The following TMEM221 variants were observed in gnomAD, a reference collection of about 807,000 sequenced individuals.
TMEM221 encodes Putative transmembrane protein ENSP00000342162.
A neutral mutation model predicts 10.2 loss-of-function variants in TMEM221; 11 were observed. The ratio of observed to expected loss-of-function variants is 1.08; its 90% CI spans 0.68 to 1.79. TMEM221 has a LOEUF of 1.79. Among genes scored for constraint, TMEM221 ranks in the 40% most tolerant of loss-of-function variants. The pLI is 0.00. For missense variants in TMEM221, 382 were observed against 417.7 expected (o/e 0.91, Z 0.75); for synonymous variants, 172 against 199.8 (o/e 0.86, Z 1.18).
intron 2 of TMEM221, among the ~76,000 whole-genome samples, chr19:17,438,192 G>A (rs1220308951): frequency 6.6e-6 from 1 of 150,964 alleles, no homozygotes; most frequent in Non-Finnish European, 1.5e-5. Flanking sequence ...GGGTTCAAGC[G>A]ATTCTCATGC....
In TMEM221 at chr19:17,436,114, C is replaced by G; in HGVS notation, c.*344G>C. 4.7e-6 allele frequency: 1 copy of G among 212,422 alleles called. No individual in the cohort carries two copies. The highest frequency in any genetic ancestry group is 1.0e-4 in the East Asian group (1 of 9,560). 13.2% of individuals were successfully genotyped at this position (212,422 alleles called of 1,614,324 possible). ...GCTCCCCTTATGCCTGTAACAGAAT[C>G]TCATCCATCTGGACAGCCACATTTC... On this transcript the variant is annotated 3_prime_UTR_variant, in exon 3 of 3. Transcript: ENST00000341130.
At position 17,436,653 on chromosome 19, in the gene TMEM221, C is replaced by T; in HGVS notation, c.681G>A (p.Gly227=). 2.0e-6 allele frequency: 3 copies of T among 1,536,020 alleles called. No homozygotes were observed. Among genetic ancestry groups the T allele is most frequent in the Non-Finnish European group, 2.6e-6 (3 of 1,146,836 alleles). ...RTPYSTCPEP[G]DPFGSMATAT... The stretch of plus-strand genomic sequence containing the variant: ...CAGTGGCCATGGACCCAAAGGGGTC[C>T]CCAGGCTCTGGACAGGTTGAATAGG... Residue 227 remains glycine, a synonymous_variant, in exon 3 of 3, where the codon GGG becomes GGA. Coordinates refer to ENST00000341130, the MANE Select transcript of TMEM221 (RefSeq NM_001190844.2).
In TMEM221 at chr19:17,448,238, G is replaced by T; in HGVS notation, c.225C>A (p.Ala75=). The T allele has an allele frequency of 7.6e-7, 1 of 1,319,372 alleles. No homozygotes were observed. The highest frequency in any genetic ancestry group is 3.1e-5 in the East Asian group (1 of 32,092). The allele number at this position is 1,319,372 out of a possible 1,614,324, so 81.7% of individuals were successfully genotyped here. A position where few individuals can be genotyped will look rare whatever the true frequency, so the allele number is the denominator to read the frequency against. The change falls in exon 1 of 3, where the codon GCC becomes GCA. Residue 75 remains alanine, a synonymous_variant. Coordinates refer to ENST00000341130, the MANE Select transcript of TMEM221 (RefSeq NM_001190844.2). This position sits in a 1 kb window ranked among gnomAD's most constrained non-coding sequence, Gnocchi z 4.7. ...GTLLPLAAAL[A]ALVLVLGFTC... ...TGAACCCCAGCACGAGCACCAGCGC[G>T]GCCAGCGCGGCGGCCAGCGGCAGCA...
At position 17,448,247 on chromosome 19, in the gene TMEM221, G is replaced by GGCGGCCAGCGGCA. The variant is rs1257045644; in HGVS notation, c.203_215dup (p.Leu74AlafsTer40). The GGCGGCCAGCGGCA allele has an allele frequency of 1.1e-5, 14 of 1,292,712 alleles. No individual in the cohort carries two copies. In the African/African-American group the frequency reaches 1.6e-4, roughly 14 times the overall value. The allele number at this position is 1,292,712 out of a possible 1,614,324, so 80.1% of individuals were successfully genotyped here. ...GCACGAGCACCAGCGCGGCCAGCGC[G>GGCGGCCAGCGGCA]GCGGCCAGCGGCAGCAGCGTCCCGG... On this transcript the variant is annotated frameshift_variant, in exon 1 of 3. Coordinates refer to ENST00000341130, the MANE Select transcript of TMEM221 (RefSeq NM_001190844.2). LOFTEE classifies it high-confidence loss of function. The surrounding 1 kb of genome is among the most constrained non-coding windows in gnomAD (Gnocchi z 4.7).
intron 2 of TMEM221, among the ~76,000 whole-genome samples, chr19:17,444,409 G>A (rs2074944109): frequency 6.6e-6 from 1 of 151,288 alleles, no homozygotes; most frequent in Non-Finnish European, 1.5e-5. Context: ...ACACCACGCA[G>A]GCCATGAAAA....
rs1289866288 is a variant in TMEM221, at chr19:17,445,216, A to T, written c.389T>A (p.Ile130Asn). The change falls in exon 2 of 3, where the codon ATC (isoleucine) becomes AAC (asparagine). Residue 130 changes from isoleucine to asparagine, a missense_variant. Coordinates refer to ENST00000341130, the MANE Select transcript of TMEM221 (RefSeq NM_001190844.2). ...HVALGLFCCG[I>N]SVYLAALSIY... ...GCACACACCTGCTAAATAGACGGAG[A>T]TCCCACAGCAGAAAAGGCCAAGGGC... The T allele has an allele frequency of 1.3e-6, 2 of 1,535,774 alleles. No homozygotes were observed. Among genetic ancestry groups the T allele is most frequent in the Non-Finnish European group, 8.7e-7 (1 of 1,146,738 alleles).
intron 2 of TMEM221, among the ~76,000 whole-genome samples, chr19:17,442,836 TCTC>T (rs900644342): frequency 1.3e-5 from 2 of 151,476 alleles, no homozygotes; most frequent in African/African-American, 2.4e-5. Context: ...ATCCATCCCT[TCTC>T]CTTTTTTTAA....
chr19:17,441,075 G>T (rs1962360747), intron 2 of TMEM221, among the ~76,000 whole-genome samples: 1 of 152,070 alleles, frequency 6.6e-6, no homozygotes, highest in Non-Finnish European at 1.5e-5. Context: ...GGGCGTGCTG[G>T]TGGGCTCCTG....
In TMEM221 at chr19:17,445,276, C is replaced by A. The variant is rs541140024; in HGVS notation, c.329G>T (p.Trp110Leu). The A allele has an allele frequency of 1.8e-4, 269 of 1,535,490 alleles. No individual in the cohort carries two copies. The highest frequency in any genetic ancestry group is 2.3e-4 in the Non-Finnish European group (266 of 1,146,464). Residue 110 changes from tryptophan to leucine, a missense_variant, in exon 2 of 3, where the codon TGG (tryptophan) becomes TTG (leucine). Transcript: ENST00000341130. ...ARGPGPRRSD[W>L]FLYDCRLLRH... Reference sequence around the variant, plus strand: ...GAGGAGGCGGCAGTCGTAGAGAAACCAGTCAGACCTGGAATGAAGGGGAGC... The same window carrying A: ...GAGGAGGCGGCAGTCGTAGAGAAACAAGTCAGACCTGGAATGAAGGGGAGC...
Position 17,435,646 on chromosome 19 carries a change from A to T in TMEM221, c.*812T>A, listed in dbSNP as rs2074904811. ...AGCAGCATGAGAACGATTAACACAC[A>T]TTGAGGACCTATTGTGTGGGGGTCC... On this transcript the variant is annotated 3_prime_UTR_variant, in exon 3 of 3. Transcript: ENST00000341130. The T allele has an allele frequency of 6.6e-6, 1 of 152,268 alleles. No individual in the cohort carries two copies. The highest frequency in any genetic ancestry group is 2.4e-5 in the African/African-American group (1 of 41,456). The allele number at this position is 152,268 out of a possible 1,614,324, so 9.4% of individuals were successfully genotyped here.
chr19:17,439,690 G>GA (rs978995626), intron 2 of TMEM221, among the ~76,000 whole-genome samples: 3 of 130,704 alleles, frequency 2.3e-5, no homozygotes, highest in Non-Finnish European at 4.8e-5. Context: ...GCTGTCTCGA[G>GA]AAAAAAGAAA....
At chr19:17,446,840 T>C (rs557512062) in intron 1 of TMEM221, among the ~76,000 whole-genome samples, 1 of 152,250 alleles carries the variant, frequency 6.6e-6, no homozygotes, top group South Asian at 2.1e-4. Context: ...CAAGGGATCC[T>C]CTTGCCTCAG....
At chr19:17,440,370 C>G (rs1401068459) in intron 2 of TMEM221, among the ~76,000 whole-genome samples, 5 of 151,700 alleles carry the variant, frequency 3.3e-5, no homozygotes, top group Admixed American at 2.6e-4. Flanking sequence ...GGGACTACAG[C>G]CGCCCGCCAC....
At chr19:17,443,737 T>A (rs2074941107) in intron 2 of TMEM221, among the ~76,000 whole-genome samples, 1 of 152,154 alleles carries the variant, frequency 6.6e-6, no homozygotes, top group African/African-American at 2.4e-5. Flanking sequence ...TTTCTTCCTG[T>A]AAAACAGATT....
intron 2 of TMEM221, among the ~76,000 whole-genome samples, chr19:17,437,861 G>A (rs996938266): frequency 1.8e-4 from 27 of 151,962 alleles, no homozygotes; most frequent in Non-Finnish European, 3.4e-4. Flanking sequence ...ACAGAAAGGG[G>A]TGTGGGTCTT....
Position 17,448,053 on chromosome 19 carries a change from C to G in TMEM221, c.320+90G>C. 8.9e-7 allele frequency: 1 copy of G among 1,128,530 alleles called. No individual in the cohort carries two copies. The highest frequency in any genetic ancestry group is 1.1e-6 in the Non-Finnish European group (1 of 891,406). 69.9% of individuals were successfully genotyped at this position (1,128,530 alleles called of 1,614,324 possible). ...GGAAGTGGGGAGGGAAGCTGTCCCCCCAGCCTGAGGCCAAAAGAGGGGAAG... is the reference window on the plus strand; with the variant it reads ...GGAAGTGGGGAGGGAAGCTGTCCCCGCAGCCTGAGGCCAAAAGAGGGGAAG... On this transcript the variant is annotated intron_variant, in intron 1 of 2. Transcript: ENST00000341130. This position sits in a 1 kb window ranked among gnomAD's most constrained non-coding sequence, Gnocchi z 4.7.
chr19:17,436,614 T>C lies in TMEM221; in HGVS notation c.720A>G (p.Ala240=), dbSNP rs1568396298. 5 of 1,536,130 alleles carry C rather than the reference T, an allele frequency of 3.3e-6. No homozygotes were observed. Among genetic ancestry groups the C allele is most frequent in the Non-Finnish European group, 4.4e-6 (5 of 1,146,894 alleles). ...TGCTCTCCCAGCCTCCCTCCAGGGC[T>C]GCAGGTGCTGTGGCAGTGGCCATGG... ...FGSMATATAP[A]ALEGGWESSL... Residue 240 remains alanine (A), a synonymous_variant, in exon 3 of 3, where the codon GCA becomes GCG. Transcript: ENST00000341130.
intron 2 of TMEM221, among the ~76,000 whole-genome samples, chr19:17,439,181 T>C (rs1437777305): frequency 7.6e-6 from 1 of 132,202 alleles, no homozygotes; most frequent in Non-Finnish European, 1.6e-5. Flanking sequence ...CACTCCAGCC[T>C]GGGTGACAGA....
chr19:17,443,965 G>C (rs1009942675), intron 2 of TMEM221, among the ~76,000 whole-genome samples: 4 of 141,496 alleles, frequency 2.8e-5, no homozygotes, highest in Non-Finnish European at 6.2e-5. Context: ...ATGCGTTCCA[G>C]CATCTGGGGT....
Sources: gnomAD v4.1 joint callset for allele counts (sites outside exome capture counted in the v4.1 genomes callset) on GRCh38, gnomAD v4.1.1 for gene constraint, Gnocchi (gnomAD v3.1) non-coding constraint, MANE v1.5 for transcripts, NCBI Gene and HGNC (gene_info 2026-07-23, HGNC 2026-07-21) for gene names.